COLQ: variants seen among roughly 807,000 people sequenced by gnomAD.
COLQ encodes the protein acetylcholinesterase collagenic tail peptide.
A neutral mutation model predicts 69.0 loss-of-function variants in COLQ; 48 were observed. The observed-to-expected ratio is 0.70, with a 90% CI of 0.55 to 0.88. COLQ has a LOEUF of 0.88. COLQ is among the 40% of genes least tolerant of loss of function. The pLI, the probability that COLQ is intolerant of heterozygous loss-of-function variation, is 0.00. For missense variants in COLQ, 618 were observed against 594.6 expected, an observed-to-expected ratio of 1.04 and a Z score of -0.41; for synonymous variants, 217 against 211.2, an observed-to-expected ratio of 1.03 and a Z score of -0.24.
chr3:15,457,545 T>A (rs1348564006), intron 13 of COLQ, among the ~76,000 whole-genome samples: 1 of 152,186 alleles, frequency 6.6e-6, no homozygotes, highest in African/African-American at 2.4e-5. Context: ...TTTGAAATTT[T>A]CCCTAATAAA....
chr3:15,470,707 C>A, intron 10 of COLQ, 91 bp from the exon 11 acceptor site: 1 of 1,199,068 alleles, frequency 8.3e-7, no homozygotes, highest in South Asian at 1.2e-5. Context: ...GCTACGAGGG[C>A]AGTCTACTTG....
chr3:15,454,926 A>G (rs1476107609), intron 15 of COLQ, among the ~76,000 whole-genome samples: 5 of 151,514 alleles, frequency 3.3e-5, no homozygotes, highest in Admixed American at 3.3e-4. Flanking sequence ...TCAGCTTCCC[A>G]AAGTGTTGAG....
At chr3:15,481,533 G>GT (rs2062483650) in intron 3 of COLQ, among the ~76,000 whole-genome samples, 1 of 152,164 alleles carries the variant, frequency 6.6e-6, no homozygotes, top group African/African-American at 2.4e-5. Context: ...TAGATGTGTG[G>GT]TATTATTTCT....
chr3:15,472,529 A>T (rs1464918864), intron 10 of COLQ, among the ~76,000 whole-genome samples: 1 of 152,242 alleles, frequency 6.6e-6, no homozygotes, highest in African/African-American at 2.4e-5. Context: ...TCCCCTTTGC[A>T]TGTTTGAAGA....
intron 1 of COLQ, among the ~76,000 whole-genome samples, chr3:15,518,809 C>G (rs1239657175): frequency 1.3e-5 from 2 of 152,230 alleles, no homozygotes; most frequent in Non-Finnish European, 2.9e-5. Flanking sequence ...GAGGCCACAT[C>G]CTACTTGTCT....
intron 4 of COLQ, among the ~76,000 whole-genome samples, 161 bp from the exon 5 acceptor site, chr3:15,479,164 C>G (rs929127788): frequency 6.6e-6 from 1 of 152,184 alleles, no homozygotes; most frequent in Non-Finnish European, 1.5e-5. Flanking sequence ...TCAAAATACA[C>G]CAGTGGTATC....
chr3:15,456,435 T>A (rs1208786608), intron 14 of COLQ, 25 bp downstream of exon 14: 1 of 1,613,604 alleles, frequency 6.2e-7, no homozygotes, highest in Non-Finnish European at 8.5e-7. Flanking sequence ...AGGGAGTATG[T>A]CCTGAGGTAA....
intron 10 of COLQ, among the ~76,000 whole-genome samples, chr3:15,470,841 A>C (rs1441150431): frequency 6.6e-6 from 1 of 152,212 alleles, no homozygotes; most frequent in African/African-American, 2.4e-5. Flanking sequence ...TGAGTGGGTT[A>C]TCTGTTACCT....
chr3:15,479,398 A>T lies in COLQ; in HGVS notation c.322-16T>A. ...CCGGTGGACCCTAATCAATCAAGAT[A>T]AAAAGTGAAGAAAGTATATATCAGT... On this transcript the variant is annotated splice_polypyrimidine_tract_variant and intron_variant, in intron 3 of 16. Coordinates refer to ENST00000383788, the MANE Select transcript of COLQ (RefSeq NM_005677.4). The T allele has an allele frequency of 6.2e-7, 1 of 1,613,772 alleles. No homozygotes were observed. The highest frequency in any genetic ancestry group is 8.5e-7 in the Non-Finnish European group (1 of 1,179,688).
intron 3 of COLQ, among the ~76,000 whole-genome samples, chr3:15,487,796 C>T (rs1249903206): frequency 6.6e-6 from 1 of 152,178 alleles, no homozygotes; most frequent in Admixed American, 6.5e-5. Flanking sequence ...GGCAGGAAAC[C>T]ATCTCCTCTG....
intron 1 of COLQ, among the ~76,000 whole-genome samples, chr3:15,511,393 C>A (rs926931328): frequency 6.6e-6 from 1 of 152,224 alleles, no homozygotes; most frequent in Admixed American, 6.5e-5. Flanking sequence ...CCAGCCAATG[C>A]ACTCTTATTC....
rs926506820 is a variant in COLQ at position 15,473,439 on chromosome 3, T to C, written c.636+561A>G. Among the ~76,000 whole-genome samples the C allele has an allele frequency of 6.6e-6, 1 of 152,204 alleles. No individual in the cohort carries two copies. Among genetic ancestry groups the C allele is most frequent in the Non-Finnish European group, 1.5e-5 (1 of 68,034 alleles). On this transcript the variant is annotated intron_variant, in intron 10 of 16. Transcript: ENST00000383788. This position sits in a 1 kb window ranked among gnomAD's most constrained non-coding sequence, Gnocchi z 4.0. ...TCCCAAAGTGCTGGGATTACAGGCATGAGGCACCATGCCTGGCCAATATTT... is the reference window on the plus strand; with the variant it reads ...TCCCAAAGTGCTGGGATTACAGGCACGAGGCACCATGCCTGGCCAATATTT...
At chr3:15,480,451 G>A (rs560794928) in intron 3 of COLQ, among the ~76,000 whole-genome samples, 80 of 152,012 alleles carry the variant, frequency 5.3e-4, no homozygotes, top group Middle Eastern at 3.4e-3. Context: ...CTGTCCTTGC[G>A]ATAGTTTGCT....
intron 1 of COLQ, among the ~76,000 whole-genome samples, chr3:15,518,803 C>T (rs1241420921): frequency 1.3e-5 from 2 of 152,182 alleles, no homozygotes; most frequent in Non-Finnish European, 2.9e-5. Flanking sequence ...AGAGCAGAGG[C>T]CACATCCTAC....
At chr3:15,482,471 G>A (rs1056900354) in intron 3 of COLQ, among the ~76,000 whole-genome samples, 2 of 152,160 alleles carry the variant, frequency 1.3e-5, no homozygotes, top group Non-Finnish European at 2.9e-5. Flanking sequence ...AGATAATTAT[G>A]TGGTTTTTGT....
chr3:15,467,016 G>A (rs1295978280), intron 11 of COLQ, among the ~76,000 whole-genome samples: 1 of 152,250 alleles, frequency 6.6e-6, no homozygotes, highest in Middle Eastern at 3.2e-3. Flanking sequence ...CTTCCTGGAT[G>A]GAGTCAGTTC....
chr3:15,489,689 G>A (rs1204466241), intron 1 of COLQ, 52 bp from the exon 2 acceptor site: 9 of 1,533,850 alleles, frequency 5.9e-6, no homozygotes, highest in South Asian at 1.1e-5. Flanking sequence ...CTGGGCCTCT[G>A]TCACACCCAC....
At chr3:15,512,286 T>C (rs2062997323) in intron 1 of COLQ, among the ~76,000 whole-genome samples, 1 of 152,156 alleles carries the variant, frequency 6.6e-6, no homozygotes, top group South Asian at 2.1e-4. Context: ...AGCTGGTTGA[T>C]GGTGCAAAGC....
At chr3:15,504,080 T>G (rs1309511603) in intron 1 of COLQ, among the ~76,000 whole-genome samples, 1 of 152,008 alleles carries the variant, frequency 6.6e-6, no homozygotes, top group African/African-American at 2.4e-5. Context: ...CTGGTGGTCT[T>G]CAATCAAACA....
Sources: allele counts gnomAD v4.1 joint callset (sites outside exome capture counted in the v4.1 genomes callset), GRCh38; gene constraint gnomAD v4.1.1; non-coding constraint Gnocchi (gnomAD v3.1); transcripts MANE v1.5; gene names NCBI Gene and HGNC (gene_info 2026-07-23, HGNC 2026-07-21).